STS: variants seen among roughly 807,000 people sequenced by gnomAD.
STS encodes the protein steroid sulfatase.
STS carries 7 observed loss-of-function variants against 26.8 expected under a neutral mutation model. That is an observed-to-expected ratio of 0.26 (90% confidence interval 0.15 to 0.49). The LOEUF is 0.49. STS is among the 20% of genes least tolerant of loss of function. The pLI, the probability that STS is intolerant of heterozygous loss-of-function variation, is 0.98. For missense variants in STS, 434 were observed against 465.6 expected (o/e 0.93, Z 0.63); for synonymous variants, 199 against 189.4 (o/e 1.05, Z -0.42).
rs1924529934 is a variant in STS at position 7,276,201 on chromosome X, TG to T, written c.943+118del. ...GATGCCTTTAGAGACAGCAAATGTA[TG>T]GGGTTTTTTGAAAGTAACCAAAAAT... On this transcript the variant is annotated intron_variant, in intron 7 of 10. Transcript: ENST00000674429. 3.0e-6 allele frequency: 3 copies of T among 1,005,666 alleles called. No individual in the cohort carries two copies. In the East Asian group the frequency reaches 9.8e-5, roughly 33 times the overall value. 82.9% of individuals were successfully genotyped at this position (1,005,666 alleles called of 1,213,427 possible).
chrX:7,241,101 GCA>G (rs1569198703), intron 2 of STS, among the ~76,000 whole-genome samples: 1 of 111,370 alleles, frequency 9.0e-6, no homozygotes, highest in African/African-American at 3.3e-5. Flanking sequence ...CAACCAATGC[GCA>G]CAGTTTGTAG....
At chrX:7,149,429 C>T (rs1932964088) in intron 1 of STS, among the ~76,000 whole-genome samples, 1 of 111,342 alleles carries the variant, frequency 9.0e-6, no homozygotes, top group South Asian at 3.8e-4. Context: ...CCCTTAGTAC[C>T]AGTGCATAAT....
At chrX:7,222,528 C>CAA (rs770658761) in intron 2 of STS, among the ~76,000 whole-genome samples, 1,511 of 39,197 alleles carry the variant, frequency 0.039, 144 homozygotes, top group African/African-American at 0.14. Context: ...CCCTCAGCTG[C>CAA]AAAAAAAAAA....
rs1040866717 is a variant in STS at position 7,350,352 on chromosome X, C to G, written c.*91C>G. 4.6e-6 allele frequency: 5 copies of G among 1,079,217 alleles called. No individual in the cohort carries two copies. The African/African-American group carries it at 9.4e-5, about 20-fold the overall frequency. The allele number at this position is 1,079,217 out of a possible 1,213,427, so 88.9% of individuals were successfully genotyped here. A position where few individuals can be genotyped will look rare whatever the true frequency, so the allele number is the denominator to read the frequency against. On this transcript the variant is annotated 3_prime_UTR_variant, in exon 11 of 11. Transcript: ENST00000674429. ...GAGTGGCACTGGGGAAACATAACTC[C>G]ATCTACACCTTGGATTTGGACTGAT...
chrX:7,271,407 T>C (rs1301295771), intron 6 of STS, among the ~76,000 whole-genome samples: 1 of 110,570 alleles, frequency 9.0e-6, no homozygotes, highest in African/African-American at 3.3e-5. Context: ...ACTTTCCCCA[T>C]AATAAGTAGG....
chrX:7,214,965 T>A (rs1921192413), intron 2 of STS, among the ~76,000 whole-genome samples: 1 of 68,979 alleles, frequency 1.4e-5, no homozygotes, highest in Non-Finnish European at 2.8e-5. Context: ...ATATATATAT[T>A]ATATATGTAT....
intron 9 of STS, among the ~76,000 whole-genome samples, chrX:7,331,666 T>C (rs1370032521): frequency 9.0e-6 from 1 of 111,372 alleles, no homozygotes; most frequent in South Asian, 3.8e-4. Flanking sequence ...TTGCCATAGT[T>C]AACTGCGAAT....
At chrX:7,291,875 T>C (rs1925433744) in intron 7 of STS, among the ~76,000 whole-genome samples, 1 of 112,218 alleles carries the variant, frequency 8.9e-6, no homozygotes, top group Non-Finnish European at 1.9e-5. Context: ...CTTTAATCAC[T>C]TGAAGGTGGA....
intron 2 of STS, among the ~76,000 whole-genome samples, chrX:7,205,294 C>A (rs1184164733): frequency 8.9e-6 from 1 of 112,159 alleles, no homozygotes; most frequent in Non-Finnish European, 1.9e-5. Context: ...GTAATTATTG[C>A]AATTATTATT....
Position 7,351,708 on chromosome X carries a change from A to G in STS, c.*1447A>G, listed in dbSNP as rs1928803748. Reference sequence around the variant, plus strand: ...CCCAGAGTTTGCTCAATTCCAAGACAGTGCCCATGAATGGGACACCTGTAA... The same window carrying G: ...CCCAGAGTTTGCTCAATTCCAAGACGGTGCCCATGAATGGGACACCTGTAA... On this transcript the variant is annotated 3_prime_UTR_variant, in exon 11 of 11. Transcript: ENST00000674429. 9.0e-6 allele frequency: 1 copy of G among 111,168 alleles called. No homozygotes were observed. Among genetic ancestry groups the G allele is most frequent in the Non-Finnish European group, 1.9e-5 (1 of 53,091 alleles). The allele number at this position is 111,168 out of a possible 1,213,427, so 9.2% of individuals were successfully genotyped here. A position where few individuals can be genotyped will look rare whatever the true frequency, so the allele number is the denominator to read the frequency against.
intron 10 of STS, among the ~76,000 whole-genome samples, chrX:7,338,552 A>T (rs1184695167): frequency 8.9e-6 from 1 of 111,871 alleles, no homozygotes; most frequent in Non-Finnish European, 1.9e-5. Flanking sequence ...AAAATTACTT[A>T]GGGGAACGGG....
At position 7,253,087 on chromosome X, in the gene STS, G is replaced by GTT. The variant is rs1923218373; in HGVS notation, c.-4-108_-4-107dup. 2.9e-5 allele frequency: 27 copies of GTT among 928,864 alleles called. 1 individual carries two copies. Among genetic ancestry groups the GTT allele is most frequent in the Middle Eastern group, 3.8e-4 (1 of 2,621 alleles). The allele number at this position is 928,864 out of a possible 1,213,427, so 76.5% of individuals were successfully genotyped here. A position where few individuals can be genotyped will look rare whatever the true frequency, so the allele number is the denominator to read the frequency against. ...GATCGCTTAAACCCAGGACTTCAAG[G>GTT]TTGCAGTGAGCTAAGATCCTACCAC... On this transcript the variant is annotated intron_variant, in intron 2 of 10. Transcript: ENST00000674429.
intron 6 of STS, among the ~76,000 whole-genome samples, chrX:7,268,815 C>G (rs4078146): frequency 0.31 from 33,366 of 108,891 alleles, 3,973 homozygotes; most frequent in Middle Eastern, 0.46. Context: ...AGTTCAAGAC[C>G]AGCCTGGGCA....
At chrX:7,171,733 C>A (rs1348862723) in intron 1 of STS, among the ~76,000 whole-genome samples, 1 of 111,592 alleles carries the variant, frequency 9.0e-6, no homozygotes, top group Non-Finnish European at 1.9e-5. Context: ...TGAAGCATCA[C>A]CCGGTACAAT....
At chrX:7,257,386 G>A (rs1474558742) in intron 4 of STS, 23 bp downstream of exon 4, 2 of 1,212,057 alleles carry the variant, frequency 1.7e-6, no homozygotes, top group South Asian at 3.5e-5. Flanking sequence ...CTGCATCGCA[G>A]GGGCTGTGGT....
At chrX:7,233,319 C>A (rs1922163854) in intron 2 of STS, among the ~76,000 whole-genome samples, 1 of 110,308 alleles carries the variant, frequency 9.1e-6, no homozygotes, top group South Asian at 3.9e-4. Context: ...GTCTTGAACT[C>A]CTGACCTCAA....
intron 1 of STS, among the ~76,000 whole-genome samples, chrX:7,172,117 T>C (rs1601627973): frequency 8.9e-6 from 1 of 111,897 alleles, no homozygotes; most frequent in African/African-American, 3.2e-5. Context: ...AAGTCACATT[T>C]TTCTGGGCCT....
rs60006129 is a variant in STS, at chrX:7,163,056, C to CAA, written c.-134+14993_-134+14994dup. The stretch of plus-strand genomic sequence containing the variant: ...TGGGCGACAGAGCAAGACTCCGTCT[C>CAA]AAAAAAAAAAAAAAAAAAAAATGCA... On this transcript the variant is annotated intron_variant, in intron 1 of 10. Coordinates refer to ENST00000674429, the MANE Select transcript of STS (RefSeq NM_001320752.2). Among the ~76,000 whole-genome samples the CAA allele has an allele frequency of 5.2e-4, 39 of 74,936 alleles. 1 individual carries two copies. The highest frequency in any genetic ancestry group is 8.8e-4 in the Non-Finnish European group (35 of 39,868). 65.1% of individuals were successfully genotyped at this position (74,936 alleles called of 115,157 possible).
intron 2 of STS, among the ~76,000 whole-genome samples, chrX:7,206,689 G>A (rs746861973): frequency 8.1e-5 from 9 of 111,685 alleles, no homozygotes; most frequent in Non-Finnish European, 1.5e-4. Context: ...TTAAATAAGA[G>A]GCATGCAGGT....
Sources: allele counts gnomAD v4.1 joint callset (sites outside exome capture counted in the v4.1 genomes callset), GRCh38; gene constraint gnomAD v4.1.1; transcripts MANE v1.5; gene names NCBI Gene and HGNC (gene_info 2026-07-23, HGNC 2026-07-21).